CGN: variants seen among roughly 807,000 people sequenced by gnomAD.
The protein encoded by CGN is cingulin.
CGN carries 121 observed loss-of-function variants against 157.1 expected under a neutral mutation model. That is an observed-to-expected ratio of 0.77 (90% CI 0.66 to 0.90). The LOEUF (loss-of-function observed/expected upper bound fraction) is 0.90. CGN is among the 40% of genes least tolerant of loss of function. The pLI, the probability that CGN is intolerant of heterozygous loss-of-function variation, is 0.00. For missense variants in CGN, 1,424 were observed against 1,520.9 expected (o/e 0.94, Z 1.06); for synonymous variants, 535 against 607.5 (o/e 0.88, Z 1.76).
chr1:151,527,978 C>T (rs6659042), intron 10 of CGN: 129,936 of 134,558 alleles, frequency 0.97, 62,931 homozygotes, highest in East Asian at 1. Context: ...TTTTTTGAGA[C>T]GGAGTCTCAC....
At chr1:151,535,948 TC>T (rs1251294088) in intron 18 of CGN, 50 bp downstream of exon 18, 2 of 1,449,170 alleles carry the variant, frequency 1.4e-6, no homozygotes, top group African/African-American at 2.8e-5. Flanking sequence ...TCTTCCTCCC[TC>T]CCTCTTGGCT....
At chr1:151,512,381 T>C (rs1371608110) in intron 1 of CGN, among the ~76,000 whole-genome samples, 1 of 152,184 alleles carries the variant, frequency 6.6e-6, no homozygotes, top group Non-Finnish European at 1.5e-5. Context: ...TGGATGAGGT[T>C]TGGGAGCCCA....
chr1:151,528,805 T>C (rs1055678056), intron 10 of CGN, among the ~76,000 whole-genome samples: 14 of 152,058 alleles, frequency 9.2e-5, no homozygotes, highest in African/African-American at 3.4e-4. Flanking sequence ...CCAAACCCAT[T>C]AGCAATAATT....
rs1307390086 is a variant in CGN at position 151,537,215 on chromosome 1, T to A, written c.3481T>A (p.Ser1161Thr). 3 of 1,613,568 alleles carry A rather than the reference T, an allele frequency of 1.9e-6. No individual in the cohort carries two copies. In the Admixed American group the frequency reaches 5.0e-5, roughly 27 times the overall value. ...TTCTCTCTGAGTCAGGCGCAAAGCTTCCCGCTCAGCTGCTGAGTCAGCTCT... is the reference window on the plus strand; with the variant it reads ...TTCTCTCTGAGTCAGGCGCAAAGCTACCCGCTCAGCTGCTGAGTCAGCTCT... The part of the protein sequence containing the change: ...SLEKDSWRKA[S>T]RSAAESALKN... Residue 1161 changes from serine (S) to threonine (T), a missense_variant, in exon 21 of 21, where the codon TCC becomes ACC. Ser to Thr is a moderately conservative substitution (Grantham distance 58). Transcript: ENST00000271636.
chr1:151,535,850 T>C lies in CGN; in HGVS notation c.3149T>C (p.Leu1050Pro). The C allele has an allele frequency of 1.2e-6, 2 of 1,614,154 alleles. No homozygotes were observed. The highest frequency in any genetic ancestry group is 1.3e-5 in the African/African-American group (1 of 75,050). Reference protein sequence around the residue: ...FQKPSASLSQLESQNQLLQER... With the variant: ...FQKPSASLSQPESQNQLLQER... The stretch of plus-strand genomic sequence containing the variant: ...AAGCCTAGTGCCAGCCTCTCTCAGC[T>C]TGAGTCCCAGAATCAGTTGTTGCAG... Residue 1050 changes from leucine to proline, a missense_variant, in exon 18 of 21, where the codon CTT becomes CCT. Transcript: ENST00000271636.
rs1664638833 is a variant in CGN at position 151,524,992 on chromosome 1, C to T, written c.1614+106C>T. The T allele has an allele frequency of 1.0e-5, 9 of 858,010 alleles. No homozygotes were observed. The highest frequency in any genetic ancestry group is 1.3e-5 in the Non-Finnish European group (7 of 540,652). The allele number at this position is 858,010 out of a possible 1,614,324, so 53.1% of individuals were successfully genotyped here. ...TTTCATGGTTGCAACTGGGAACTCC[C>T]CCTCTCCTCCTAAAGGACACAGTGA... On this transcript the variant is annotated intron_variant, in intron 8 of 20. Transcript: ENST00000271636. The surrounding 1 kb of genome is among the most constrained non-coding windows in gnomAD (Gnocchi z 4.4).
rs746202460 is a variant in CGN, at chr1:151,518,552, G to A, written c.33G>A (p.Arg11=). MEQAPNMAEP[R]GPVDHGVQIR... Reference sequence around the variant, plus strand: ...AGGCACCCAACATGGCTGAGCCCCGGGGCCCCGTAGACCATGGAGTCCAGA... The same window carrying A: ...AGGCACCCAACATGGCTGAGCCCCGAGGCCCCGTAGACCATGGAGTCCAGA... The change falls in exon 2 of 21, where the codon CGG becomes CGA. Residue 11 remains arginine, a synonymous_variant. Transcript: ENST00000271636. 2 of 1,610,696 alleles carry A rather than the reference G, an allele frequency of 1.2e-6. No individual in the cohort carries two copies. The highest frequency in any genetic ancestry group is 2.7e-5 in the African/African-American group (2 of 74,964).
At position 151,511,914 on chromosome 1, in the gene CGN, A is replaced by G. The variant is rs1664309962; in HGVS notation, c.-15+399A>G. 6.6e-6 allele frequency among the ~76,000 whole-genome samples: 1 copy of G among 152,122 alleles called. No homozygotes were observed. The highest frequency in any genetic ancestry group is 2.1e-4 in the South Asian group (1 of 4,824). ...CTGCTGCCTGAGGTGCAGACTCGCCAGGGGAGGGCATCTGCAGGTGCTGCT... is the reference window on the plus strand; with the variant it reads ...CTGCTGCCTGAGGTGCAGACTCGCCGGGGGAGGGCATCTGCAGGTGCTGCT... On this transcript the variant is annotated intron_variant, in intron 1 of 20. Coordinates refer to ENST00000271636, the MANE Select transcript of CGN (RefSeq NM_020770.3). This position sits in a 1 kb window ranked among gnomAD's most constrained non-coding sequence, Gnocchi z 4.8.
Position 151,530,741 on chromosome 1 carries a change from A to C in CGN, c.2566A>C (p.Lys856Gln). The C allele has an allele frequency of 6.4e-7, 1 of 1,551,478 alleles. No individual in the cohort carries two copies. The highest frequency in any genetic ancestry group is 1.4e-5 in the African/African-American group (1 of 73,182). The change falls in exon 13 of 21, where the codon AAG becomes CAG. Residue 856 changes from lysine (K) to glutamine (Q), a missense_variant. Physicochemically the swap from Lys to Gln is moderately conservative, Grantham distance 53 (BLOSUM62 1). Around this residue, in one of 3 missense-constraint regions of CGN, gnomAD observed 1,187 missense variants for 1,217.6 expected, o/e 0.97. Transcript: ENST00000271636. ...GGACAGGACTGTGGACCGACTGAAC[A>C]AGGAGGTGGGGCATGGGGTATTCTG... ...LLDRTVDRLNKELEKIGEDSK... is the reference protein window; with the variant it reads ...LLDRTVDRLNQELEKIGEDSK...
chr1:151,514,225 G>A (rs1053470034), intron 1 of CGN, among the ~76,000 whole-genome samples: 1 of 152,166 alleles, frequency 6.6e-6, no homozygotes, highest in African/African-American at 2.4e-5. Context: ...GGGACCTGGG[G>A]GAGTGTTCAA....
At chr1:151,534,395 G>A (rs1212242991) in intron 15 of CGN, 1 of 481,026 alleles carries the variant, frequency 2.1e-6, no homozygotes, top group African/African-American at 2.0e-5. Context: ...GTTGGCTGGA[G>A]CTGAGCAGTG....
rs978771623 is a variant in CGN, at chr1:151,538,391, G to A, written c.*1045G>A. The A allele has an allele frequency of 9.8e-5, 15 of 152,334 alleles. No individual in the cohort carries two copies. Among genetic ancestry groups the A allele is most frequent in the African/African-American group, 3.4e-4 (14 of 41,576 alleles). The allele number at this position is 152,334 out of a possible 1,614,324, so 9.4% of individuals were successfully genotyped here. On this transcript the variant is annotated 3_prime_UTR_variant, in exon 21 of 21. Coordinates refer to ENST00000271636, the MANE Select transcript of CGN (RefSeq NM_020770.3). ...TTGGCTCTGATTCAGGGCTTTGCAA[G>A]GGGTTAGAAGCTGACTGTAAAAATG...
chr1:151,510,845 G>A (rs1213293701), upstream of CGN: 6 of 152,306 alleles, frequency 3.9e-5, no homozygotes, highest in East Asian at 7.7e-4. Context: ...CAAAATGATT[G>A]CGGAGGCCAC....
At chr1:151,528,122 AT>A (rs556582562) in intron 10 of CGN, among the ~76,000 whole-genome samples, 2 of 149,680 alleles carry the variant, frequency 1.3e-5, no homozygotes, top group Non-Finnish European at 3.0e-5. Flanking sequence ...CGCCCGGCTA[AT>A]TTTTTTTGTA....
chr1:151,520,678 A>T lies in CGN; in HGVS notation c.1127A>T (p.Asp376Val), dbSNP rs1314878623. 10 of 1,613,610 alleles carry T rather than the reference A, an allele frequency of 6.2e-6. No individual in the cohort carries two copies. The African/African-American group carries it at 1.3e-4, about 22-fold the overall frequency. Residue 376 changes from aspartate (D) to valine (V), a missense_variant, in exon 5 of 21, where the codon GAT becomes GTT. Asp to Val is a radical substitution (Grantham distance 152, BLOSUM62 -3). Around this residue, in one of 3 missense-constraint regions of CGN, gnomAD observed 1,187 missense variants for 1,217.6 expected, o/e 0.97. Coordinates refer to ENST00000271636, the MANE Select transcript of CGN (RefSeq NM_020770.3). Reference sequence around the variant, plus strand: ...GTGGAGGAGCTACAGCGAAAGCTGGATGAAGAGGTGAAGGTAAGGAAAGGT... The same window carrying T: ...GTGGAGGAGCTACAGCGAAAGCTGGTTGAAGAGGTGAAGGTAAGGAAAGGT... ...RKVEELQRKLDEEVKKRQKLE... is the reference protein window; with the variant it reads ...RKVEELQRKLVEEVKKRQKLE...
intron 5 of CGN, among the ~76,000 whole-genome samples, chr1:151,522,263 C>A (rs2102491891): frequency 6.6e-6 from 1 of 152,180 alleles, no homozygotes; most frequent in Middle Eastern, 3.4e-3. Flanking sequence ...GAGCAAGACC[C>A]TGTCTCAAAA....
chr1:151,524,827 C>T lies in CGN; in HGVS notation c.1555C>T (p.Arg519Trp), dbSNP rs765530896. The T allele has an allele frequency of 1.9e-5, 31 of 1,612,288 alleles. No homozygotes were observed. Among genetic ancestry groups the T allele is most frequent in the Admixed American group, 5.0e-5 (3 of 59,950 alleles). Residue 519 changes from arginine (R) to tryptophan (W), a missense_variant, in exon 8 of 21, where the codon CGG becomes TGG. Transcript: ENST00000271636. The surrounding 1 kb of genome is among the most constrained non-coding windows in gnomAD (Gnocchi z 4.4). ...CCGTGACCAGGAGGTGGAACATGTC[C>T]GGCAGCAGTACCAGCGAGACACAGA... ...ASRDQEVEHV[R>W]QQYQRDTEQL...
At position 151,538,156 on chromosome 1, in the gene CGN, G is replaced by A. The variant is rs1415674234; in HGVS notation, c.*810G>A. The A allele has an allele frequency of 6.5e-6, 1 of 152,702 alleles. No individual in the cohort carries two copies. The highest frequency in any genetic ancestry group is 1.9e-4 in the East Asian group (1 of 5,190). The allele number at this position is 152,702 out of a possible 1,614,324, so 9.5% of individuals were successfully genotyped here. Reference sequence around the variant, plus strand: ...GGTCATGATAAAGTGGCGGGGGTCTGGTCCTGCTCAGGGTTTTCATCCTTC... The same window carrying A: ...GGTCATGATAAAGTGGCGGGGGTCTAGTCCTGCTCAGGGTTTTCATCCTTC... On this transcript the variant is annotated 3_prime_UTR_variant, in exon 21 of 21. Coordinates refer to ENST00000271636, the MANE Select transcript of CGN (RefSeq NM_020770.3).
chr1:151,536,154 G>A, intron 18 of CGN, 83 bp from the exon 19 acceptor site: 1 of 876,330 alleles, frequency 1.1e-6, no homozygotes, highest in South Asian at 1.4e-5. Flanking sequence ...TGGCTGAGAG[G>A]AGTCCTTGGG....
Sources: gnomAD v4.1 joint callset for allele counts (sites outside exome capture counted in the v4.1 genomes callset) on GRCh38, gnomAD v4.1.1 for gene constraint, gnomAD v4.1.1 regional missense constraint, Gnocchi (gnomAD v3.1) non-coding constraint, MANE v1.5 for transcripts, NCBI Gene and HGNC (gene_info 2026-07-23, HGNC 2026-07-21) for gene names.